OR2L13: variants seen among roughly 807,000 people sequenced by gnomAD.
OR2L13 encodes olfactory receptor family 2 subfamily L member 13.
Under a neutral mutation model 15.3 loss-of-function variants are expected in OR2L13, and 14 were observed. The ratio of observed to expected loss-of-function variants is 0.91; its 90% CI spans 0.60 to 1.43. The LOEUF is 1.43. OR2L13 is among the 40% of genes most tolerant of loss of function. OR2L13 has a pLI of 0.00. For missense variants in OR2L13, 367 were observed against 387.9 expected (o/e 0.95, Z 0.45); for synonymous variants, 152 against 142.9 (o/e 1.06, Z -0.45).
chr1:247,968,734 C>G, the OR2L13 span, among the ~76,000 whole-genome samples: 1 of 152,032 alleles, frequency 6.6e-6, no homozygotes, highest in African/African-American at 2.4e-5. Context: ...TTTCTTAATC[C>G]AGTCTATCAT....
the OR2L13 span, chr1:248,004,101 G>A: frequency 2.6e-6 from 4 of 1,544,294 alleles, no homozygotes; most frequent in Non-Finnish European, 2.6e-6. Context: ...TCAGGACTCA[G>A]ATACACATCC....
At chr1:248,003,238 G>T in the OR2L13 span, 1 of 1,549,274 alleles carries the variant, frequency 6.5e-7, no homozygotes, top group East Asian at 2.2e-5. Flanking sequence ...TTTTCCTAAT[G>T]GCTCTAATTG....
At chr1:248,007,071 C>T in the OR2L13 span, among the ~76,000 whole-genome samples, 1 of 152,026 alleles carries the variant, frequency 6.6e-6, no homozygotes, top group South Asian at 2.1e-4. Context: ...GACCCTTTAC[C>T]CTTTCAGGTA....
chr1:247,983,024 GTTTA>G, the OR2L13 span, among the ~76,000 whole-genome samples: 9 of 152,002 alleles, frequency 5.9e-5, no homozygotes, highest in East Asian at 3.9e-4. Flanking sequence ...TATATATAAT[GTTTA>G]TTTATATGTT....
chr1:248,072,698 A>C, the OR2L13 span, among the ~76,000 whole-genome samples: 5 of 152,176 alleles, frequency 3.3e-5, no homozygotes, highest in East Asian at 3.9e-4. Context: ...GCAACCTACA[A>C]AATGGGATAA....
At chr1:248,043,321 C>G in the OR2L13 span, among the ~76,000 whole-genome samples, 2 of 152,064 alleles carry the variant, frequency 1.3e-5, no homozygotes, top group African/African-American at 4.8e-5. Context: ...AAAGAGAGTT[C>G]AGATACATAA....
the OR2L13 span, among the ~76,000 whole-genome samples, chr1:247,959,230 G>C: frequency 6.6e-6 from 1 of 151,946 alleles, no homozygotes. Flanking sequence ...ATGAAATTCT[G>C]GGTTGAAAAT....
the OR2L13 span, chr1:248,061,672 T>G: frequency 6.3e-6 from 9 of 1,428,932 alleles, no homozygotes; most frequent in East Asian, 1.9e-4. Context: ...CATCCAGCAG[T>G]GTATAGTAAT....
chr1:247,974,230 G>C, the OR2L13 span, among the ~76,000 whole-genome samples: 1 of 152,076 alleles, frequency 6.6e-6, no homozygotes, highest in East Asian at 1.9e-4. Context: ...GTGAGAACAC[G>C]TGGACACATG....
chr1:247,946,463 A>C, the OR2L13 span, among the ~76,000 whole-genome samples: 1 of 152,186 alleles, frequency 6.6e-6, no homozygotes, highest in East Asian at 1.9e-4. Flanking sequence ...TTAAATTCTT[A>C]ACTGGGACAA....
chr1:248,078,302 G>A, the OR2L13 span, among the ~76,000 whole-genome samples: 2 of 152,028 alleles, frequency 1.3e-5, no homozygotes, highest in Admixed American at 1.3e-4. Flanking sequence ...GCAATATGAT[G>A]AAACCCCGTG....
At chr1:248,064,793 T>C in the OR2L13 span, among the ~76,000 whole-genome samples, 9 of 152,202 alleles carry the variant, frequency 5.9e-5, no homozygotes, top group Admixed American at 3.9e-4. Context: ...GACATTCCTG[T>C]ATAGGCAATG....
At chr1:248,009,997 G>C in the OR2L13 span, among the ~76,000 whole-genome samples, 1 of 152,042 alleles carries the variant, frequency 6.6e-6, no homozygotes, top group African/African-American at 2.4e-5. Flanking sequence ...AATAAGCTAG[G>C]TGTTCACAGA....
At chr1:248,003,606 C>T in the OR2L13 span, 1 of 1,611,412 alleles carries the variant, frequency 6.2e-7, no homozygotes, top group East Asian at 2.2e-5. Context: ...TGTGCTCACA[C>T]TGTATATATA....
chr1:248,010,314 T>G, the OR2L13 span, among the ~76,000 whole-genome samples: 77 of 152,286 alleles, frequency 5.1e-4, 1 homozygote, highest in Middle Eastern at 3.4e-3. Context: ...TTCCGTTTTT[T>G]GCATTTGCTG....
the OR2L13 span, among the ~76,000 whole-genome samples, chr1:248,085,536 T>A: frequency 1.3e-5 from 2 of 149,120 alleles, no homozygotes; most frequent in African/African-American, 2.4e-5. Flanking sequence ...GTACCACTGC[T>A]AGTATGTGTC....
the OR2L13 span, chr1:248,022,464 A>G: frequency 1.2e-6 from 2 of 1,614,222 alleles, no homozygotes; most frequent in African/African-American, 1.3e-5. Context: ...GTCCAGAGCC[A>G]TCAATCATTT....
chr1:247,994,168 G>A, the OR2L13 span, among the ~76,000 whole-genome samples: 6 of 152,082 alleles, frequency 3.9e-5, no homozygotes, highest in African/African-American at 1.4e-4. Context: ...AGGCCGAGGC[G>A]GGCGGATCAC....
chr1:248,089,219 C>T, the OR2L13 span, among the ~76,000 whole-genome samples: 1 of 152,078 alleles, frequency 6.6e-6, no homozygotes, highest in Non-Finnish European at 1.5e-5. Context: ...ATAAAGGACG[C>T]AAATGAAGAA....
Sources: gnomAD v4.1 joint callset for allele counts (sites outside exome capture counted in the v4.1 genomes callset) on GRCh38, gnomAD v4.1.1 for gene constraint, MANE v1.5 for transcripts, NCBI Gene and HGNC (gene_info 2026-07-23, HGNC 2026-07-21) for gene names.